ZNF2: variants seen among roughly 807,000 people sequenced by gnomAD.
ZNF2 encodes zinc finger protein 2.2.
A neutral mutation model predicts 21.9 loss-of-function variants in ZNF2; 12 were observed. The ratio of observed to expected loss-of-function variants is 0.55; its 90% confidence interval spans 0.35 to 0.89. The LOEUF (loss-of-function observed/expected upper bound fraction) is 0.89. Ranked by LOEUF, ZNF2 falls within the 40% of genes least tolerant of loss-of-function variation. The probability of loss-of-function intolerance (pLI) is 0.01; values close to 1 mark genes in which losing one functional copy is unlikely to be tolerated. For synonymous variants in ZNF2, 186 were observed against 196.3 expected (o/e 0.95, Z 0.44); for missense variants, 462 against 544.2 (o/e 0.85, Z 1.50).
intron 3 of ZNF2, among the ~76,000 whole-genome samples, chr2:95,177,815 T>G (rs1054289981): frequency 2.0e-5 from 3 of 152,150 alleles, no homozygotes; most frequent in African/African-American, 7.2e-5. Flanking sequence ...TCCCCAGCCA[T>G]GGGCAGTGCT....
Position 95,169,494 on chromosome 2 carries a change from C to T in ZNF2, c.-40+3634C>T, listed in dbSNP as rs188135474. Among the ~76,000 whole-genome samples the T allele has an allele frequency of 4.7e-3, 709 of 152,276 alleles. 2 individuals carry two copies. Among genetic ancestry groups the T allele is most frequent in the Non-Finnish European group, 6.8e-3 (463 of 68,034 alleles). ...ACTCGGCCAGGCGCAGTGGCTCATG[C>T]CTATAATCTCAGCACTTTGGGATGC... On this transcript the variant is annotated intron_variant, in intron 1 of 4. Coordinates refer to ENST00000614034, the MANE Select transcript of ZNF2 (RefSeq NM_021088.4).
chr2:95,181,333 A>G lies in ZNF2; in HGVS notation c.505A>G (p.Lys169Glu). The G allele has an allele frequency of 6.2e-7, 1 of 1,614,188 alleles. No homozygotes were observed. The highest frequency in any genetic ancestry group is 8.5e-7 in the Non-Finnish European group (1 of 1,180,036). ...RSALSREILTKERHQECSDCG... is the reference protein window; with the variant it reads ...RSALSREILTEERHQECSDCG... ...AGCCCTGTCCAGGGAAATTCTCACTAAAGAGAGACACCAGGAATGCAGTGA... is the reference window on the plus strand; with the variant it reads ...AGCCCTGTCCAGGGAAATTCTCACTGAAGAGAGACACCAGGAATGCAGTGA... The change falls in exon 5 of 5, where the codon AAA (lysine) becomes GAA (glutamate). Residue 169 changes from lysine to glutamate, a missense_variant. Coordinates refer to ENST00000614034, the MANE Select transcript of ZNF2 (RefSeq NM_021088.4).
At chr2:95,168,023 A>C (rs968648435) in intron 1 of ZNF2, among the ~76,000 whole-genome samples, 2 of 152,060 alleles carry the variant, frequency 1.3e-5, no homozygotes, top group Admixed American at 1.3e-4. Flanking sequence ...CTTTGCTAGA[A>C]GGAGGTCATG....
In ZNF2 at chr2:95,181,356, T is replaced by C. The variant is rs896576879; in HGVS notation, c.528T>C (p.Ser176=). 9.3e-6 allele frequency: 15 copies of C among 1,614,012 alleles called. No homozygotes were observed. Among genetic ancestry groups the C allele is most frequent in the African/African-American group, 1.3e-5 (1 of 74,918 alleles). Residue 176 remains serine (S), a synonymous_variant, in exon 5 of 5, where the codon AGT becomes AGC. Coordinates refer to ENST00000614034, the MANE Select transcript of ZNF2 (RefSeq NM_021088.4). ...CTAAAGAGAGACACCAGGAATGCAG[T>C]GACTGTGGGAAGACCTTTTTTGACC... is the stretch of plus-strand genomic sequence containing the variant. ...ILTKERHQEC[S]DCGKTFFDHS...
Position 95,176,236 on chromosome 2 carries a change from G to A in ZNF2, c.10G>A (p.Val4Met). 9 of 1,614,166 alleles carry A rather than the reference G, an allele frequency of 5.6e-6. No individual in the cohort carries two copies. Among genetic ancestry groups the A allele is most frequent in the Non-Finnish European group, 7.6e-6 (9 of 1,180,034 alleles). The change falls in exon 2 of 5, where the codon GTG (valine) becomes ATG (methionine). Residue 4 changes from valine (V) to methionine (M), a missense_variant. Val to Met is a conservative substitution (Grantham distance 21). Transcript: ENST00000614034. ...GAGCACACAGGAGAGAATGGCTGCT[G>A]TGTCTCCGACCACCAGATGCCAGGT... MAA[V>M]SPTTRCQESV...
chr2:95,181,681 T>C lies in ZNF2; in HGVS notation c.853T>C (p.Tyr285His), dbSNP rs752821640. The C allele has an allele frequency of 4.3e-6, 7 of 1,614,232 alleles. No individual in the cohort carries two copies. Among genetic ancestry groups the C allele is most frequent in the Non-Finnish European group, 5.9e-6 (7 of 1,180,040 alleles). The change falls in exon 5 of 5, where the codon TAT (tyrosine) becomes CAT (histidine). Residue 285 changes from tyrosine to histidine, a missense_variant. Physicochemically the swap from Tyr to His is moderately conservative, Grantham distance 83 (BLOSUM62 2). Transcript: ENST00000614034. ...HQRIHTGESP[Y>H]ECHQCGKAFS... Reference sequence around the variant, plus strand: ...GAGAATTCACACTGGAGAAAGTCCTTATGAATGTCATCAGTGTGGGAAAGC... The same window carrying C: ...GAGAATTCACACTGGAGAAAGTCCTCATGAATGTCATCAGTGTGGGAAAGC...
intron 1 of ZNF2, among the ~76,000 whole-genome samples, chr2:95,169,241 A>G (rs1161959325): frequency 1.3e-5 from 2 of 152,212 alleles, no homozygotes; most frequent in African/African-American, 2.4e-5. Flanking sequence ...TTATATGTTC[A>G]CCACCATTTG....
intron 3 of ZNF2, among the ~76,000 whole-genome samples, chr2:95,179,277 C>G (rs556317074): frequency 6.6e-6 from 1 of 152,294 alleles, no homozygotes; most frequent in Admixed American, 6.5e-5. Context: ...CTGGCAGGAG[C>G]CACTGTGCCC....
intron 4 of ZNF2, 37 bp downstream of exon 4, chr2:95,180,309 T>C: frequency 6.9e-7 from 1 of 1,455,580 alleles, no homozygotes; most frequent in Admixed American, 1.8e-5. Flanking sequence ...GGAATTTTGT[T>C]TGGCTTTTTG....
At chr2:95,176,131 C>A in intron 1 of ZNF2, 57 bp from the exon 2 acceptor site, 2 of 1,469,948 alleles carry the variant, frequency 1.4e-6, no homozygotes, top group Non-Finnish European at 1.9e-6. Flanking sequence ...AAAGACTATG[C>A]GACAGGACTG....
At position 95,178,962 on chromosome 2, in the gene ZNF2, G is replaced by A. The variant is rs570193873; in HGVS notation, c.161-1197G>A. Among the ~76,000 whole-genome samples, 14 of 150,236 alleles carry A rather than the reference G, an allele frequency of 9.3e-5. No individual in the cohort carries two copies. The East Asian group carries it at 2.0e-3, about 21-fold the overall frequency. ...AAAAAAATCAGCTTTACAAATCAGC[G>A]TCATTTCATTATCCAGGTTTGGTTT... On this transcript the variant is annotated intron_variant, in intron 3 of 4. Transcript: ENST00000614034.
intron 2 of ZNF2, among the ~76,000 whole-genome samples, chr2:95,176,733 C>G (rs1674455736): frequency 6.6e-6 from 1 of 152,186 alleles, no homozygotes; most frequent in Non-Finnish European, 1.5e-5. Flanking sequence ...TTGCTCCATT[C>G]CTGCCCGAGG....
intron 1 of ZNF2, among the ~76,000 whole-genome samples, chr2:95,166,741 G>A (rs1182764378): frequency 1.3e-5 from 2 of 152,172 alleles, no homozygotes; most frequent in East Asian, 3.8e-4. Context: ...AGAGAGTGAG[G>A]TAAGAGTTTG....
rs764062172 is a variant in ZNF2 at position 95,181,499 on chromosome 2, C to A, written c.671C>A (p.Thr224Asn). The A allele has an allele frequency of 6.8e-6, 11 of 1,614,226 alleles. 1 individual carries two copies. The South Asian group carries it at 1.2e-4, about 18-fold the overall frequency. The stretch of plus-strand genomic sequence containing the variant: ...CTCAGCAGACATCTGATGTCACACA[C>A]TGGGGAGAGCCCCTACGAGTGCAGT... ...SSLSRHLMSH[T>N]GESPYECSVC... Residue 224 changes from threonine (T) to asparagine (N), a missense_variant, in exon 5 of 5, where the codon ACT (threonine) becomes AAT (asparagine). Coordinates refer to ENST00000614034, the MANE Select transcript of ZNF2 (RefSeq NM_021088.4).
In ZNF2 at chr2:95,181,916, A is replaced by G. The variant is rs1327570414; in HGVS notation, c.1088A>G (p.His363Arg). The part of the protein sequence containing the change: ...RSSLTQHQKI[H>R]TGDKPYECSE... Reference sequence around the variant, plus strand: ...TCCCTTACACAGCATCAGAAGATCCACACTGGAGACAAGCCATATGAATGC... The same window carrying G: ...TCCCTTACACAGCATCAGAAGATCCGCACTGGAGACAAGCCATATGAATGC... The change falls in exon 5 of 5, where the codon CAC becomes CGC. Residue 363 changes from histidine (H) to arginine (R), a missense_variant. Transcript: ENST00000614034. 2 of 1,614,268 alleles carry G rather than the reference A, an allele frequency of 1.2e-6. No individual in the cohort carries two copies. The highest frequency in any genetic ancestry group is 1.7e-6 in the Non-Finnish European group (2 of 1,180,042).
chr2:95,179,831 T>G (rs1573402436), intron 3 of ZNF2, among the ~76,000 whole-genome samples: 1 of 152,178 alleles, frequency 6.6e-6, no homozygotes, highest in Admixed American at 6.5e-5. Flanking sequence ...CCGCGGCAGG[T>G]GGATCACCTG....
chr2:95,174,225 A>G lies in ZNF2; in HGVS notation c.-39-1963A>G, dbSNP rs78208348. Among the ~76,000 whole-genome samples, 20 of 152,366 alleles carry G rather than the reference A, an allele frequency of 1.3e-4. No homozygotes were observed. The East Asian group carries it at 3.7e-3, about 28-fold the overall frequency. Reference sequence around the variant, plus strand: ...TCATAAAAAGCTGTGTATATATCATATATCATTACTTATTTCCTAGTATAA... The same window carrying G: ...TCATAAAAAGCTGTGTATATATCATGTATCATTACTTATTTCCTAGTATAA... On this transcript the variant is annotated intron_variant, in intron 1 of 4. Coordinates refer to ENST00000614034, the MANE Select transcript of ZNF2 (RefSeq NM_021088.4).
chr2:95,180,511 C>CTTTTTT (rs1165637913), intron 4 of ZNF2, among the ~76,000 whole-genome samples: 1 of 139,382 alleles, frequency 7.2e-6, no homozygotes, highest in Non-Finnish European at 1.6e-5. Context: ...TTTGCTATTT[C>CTTTTTT]TTTTTTTTTT....
At chr2:95,171,392 T>C (rs976095496) in intron 1 of ZNF2, among the ~76,000 whole-genome samples, 8 of 151,756 alleles carry the variant, frequency 5.3e-5, no homozygotes, top group Admixed American at 3.9e-4. Context: ...CTTTTTTTTT[T>C]TTTTCCCCGA....
Sources: allele counts gnomAD v4.1 joint callset (sites outside exome capture counted in the v4.1 genomes callset), GRCh38; gene constraint gnomAD v4.1.1; transcripts MANE v1.5; gene names NCBI Gene and HGNC (gene_info 2026-07-23, HGNC 2026-07-21).